The following TSNAXIP1 variants were observed in gnomAD, a reference collection of about 807,000 sequenced individuals.
The protein encoded by TSNAXIP1 is translin associated factor X interacting protein 1.
In TSNAXIP1, 89 loss-of-function variants were observed where a neutral mutation model predicts 84.8. The ratio of observed to expected loss-of-function variants is 1.05; its 90% CI spans 0.88 to 1.25. The LOEUF is 1.25. TSNAXIP1 is among the 50% of genes most tolerant of loss of function. TSNAXIP1 has a pLI of 0.00. For synonymous variants in TSNAXIP1, 347 were observed against 335.2 expected, an observed-to-expected ratio of 1.04 and a Z score of -0.39; for missense variants, 874 against 887.6, an observed-to-expected ratio of 0.98 and a Z score of 0.20.
intron 6 of TSNAXIP1, among the ~76,000 whole-genome samples, 153 bp from the exon 7 acceptor site, chr16:67,824,984 A>G (rs1437558563): frequency 1.3e-5 from 2 of 152,208 alleles, no homozygotes; most frequent in African/African-American, 4.8e-5. Flanking sequence ...CACCTTGCCG[A>G]ATTCTCAGAA....
At chr16:67,826,312 G>C in intron 10 of TSNAXIP1, 30 bp downstream of exon 10, 2 of 1,580,706 alleles carry the variant, frequency 1.3e-6, no homozygotes, top group South Asian at 2.3e-5. Flanking sequence ...TGGGGCTTGG[G>C]CCAGAGTCAG....
chr16:67,825,879 C>T (rs754416607), intron 8 of TSNAXIP1, 38 bp from the exon 9 acceptor site: 13 of 1,613,862 alleles, frequency 8.1e-6, no homozygotes, highest in African/African-American at 4.0e-5. Flanking sequence ...GACGGGGTCT[C>T]ACAGGTGGGG....
Position 67,826,844 on chromosome 16 carries a change from G to A in TSNAXIP1, c.1554G>A (p.Lys518=). The A allele has an allele frequency of 6.2e-7, 1 of 1,613,222 alleles. No individual in the cohort carries two copies. Among genetic ancestry groups the A allele is most frequent in the Non-Finnish European group, 8.5e-7 (1 of 1,179,916 alleles). ...AGTTCTATGCAGTCTTGATGGGAAAGGTGAGCTGGGGCCTATTCCCCTTGG... is the reference window on the plus strand; with the variant it reads ...AGTTCTATGCAGTCTTGATGGGAAAAGTGAGCTGGGGCCTATTCCCCTTGG... ...MSQFYAVLMG[K]RSENVYVTQK... The change falls in exon 12 of 16, where the codon AAG becomes AAA. Residue 518 remains lysine, a splice_region_variant and synonymous_variant. Coordinates refer to ENST00000561639, the MANE Select transcript of TSNAXIP1 (RefSeq NM_001288990.3).
chr16:67,811,806 G>A (rs566489187), intron 1 of TSNAXIP1, among the ~76,000 whole-genome samples: 1 of 152,086 alleles, frequency 6.6e-6, no homozygotes, highest in Non-Finnish European at 1.5e-5. Flanking sequence ...TTGATCTGTT[G>A]TATCTTGTTG....
At chr16:67,811,068 C>T (rs558245429) in intron 1 of TSNAXIP1, among the ~76,000 whole-genome samples, 4 of 152,026 alleles carry the variant, frequency 2.6e-5, no homozygotes, top group Non-Finnish European at 5.9e-5. Flanking sequence ...GCTATCCTCC[C>T]GCCTCTTAGC....
At chr16:67,814,258 T>C in intron 1 of TSNAXIP1, 44 bp from the exon 2 acceptor site, 1 of 1,446,308 alleles carries the variant, frequency 6.9e-7, no homozygotes, top group Non-Finnish European at 9.4e-7. Flanking sequence ...CTCTTCCCAC[T>C]CTGGACTCTG....
intron 5 of TSNAXIP1, 64 bp downstream of exon 5, chr16:67,823,783 C>A: frequency 1.4e-6 from 2 of 1,408,890 alleles, no homozygotes; most frequent in Non-Finnish European, 2.0e-6. Context: ...TTTAGGAGGC[C>A]GAGGCGGTAG....
At position 67,826,769 on chromosome 16, in the gene TSNAXIP1, T is replaced by C. The variant is rs140928585; in HGVS notation, c.1479T>C (p.Tyr493=). ...FGPSDAMAWA[Y]TIFENIKIFH... ...CCAGTGATGCCATGGCCTGGGCTTA[T>C]ACTATTTTTGAAAATATCAAGATCT... The change falls in exon 12 of 16, where the codon TAT becomes TAC. Residue 493 remains tyrosine (Y), a synonymous_variant. Coordinates refer to ENST00000561639, the MANE Select transcript of TSNAXIP1 (RefSeq NM_001288990.3). 16 of 1,614,094 alleles carry C rather than the reference T, an allele frequency of 9.9e-6. No individual in the cohort carries two copies. In the African/African-American group the frequency reaches 1.6e-4, roughly 16 times the overall value.
In TSNAXIP1 at chr16:67,827,530, G is replaced by C; in HGVS notation, c.1849G>C (p.Glu617Gln). Residue 617 changes from glutamate (E) to glutamine (Q), a missense_variant, in exon 15 of 16, where the codon GAG (glutamate) becomes CAG (glutamine). Physicochemically the swap from Glu to Gln is conservative, Grantham distance 29. Coordinates refer to ENST00000561639, the MANE Select transcript of TSNAXIP1 (RefSeq NM_001288990.3). ...VQKLWEQYMD[E>Q]KDEYLQQLKQ... ...AAAACTCTGGGAACAATACATGGAT[G>C]AGAAGGACGAGTACTTACAGCAGCT... 2 of 1,614,208 alleles carry C rather than the reference G, an allele frequency of 1.2e-6. No homozygotes were observed. The highest frequency in any genetic ancestry group is 1.7e-6 in the Non-Finnish European group (2 of 1,180,038).
At position 67,807,327 on chromosome 16, in the gene TSNAXIP1, G is replaced by A. The variant is rs923051992; in HGVS notation, c.47+131G>A. 18 of 1,534,102 alleles carry A rather than the reference G, an allele frequency of 1.2e-5. 1 individual carries two copies. Among genetic ancestry groups the A allele is most frequent in the Middle Eastern group, 3.3e-4 (2 of 5,988 alleles). On this transcript the variant is annotated intron_variant, in intron 1 of 15. Coordinates refer to ENST00000561639, the MANE Select transcript of TSNAXIP1 (RefSeq NM_001288990.3). ...TGATCTAGGGCTCCAGCACCACAGA[G>A]TCAATGGTTAGAATCGGGCTGATTT...
chr16:67,806,967 C>CA lies in TSNAXIP1; in HGVS notation c.-182dup. On this transcript the variant is annotated 5_prime_UTR_variant, in exon 1 of 16. Coordinates refer to ENST00000561639, the MANE Select transcript of TSNAXIP1 (RefSeq NM_001288990.3). ...TCTCAGGGCACCCGCTGCCGGGTCCCAGTCCACCTTTGCTACTTTGTCCTA... is the reference window on the plus strand; with the variant it reads ...TCTCAGGGCACCCGCTGCCGGGTCCCAAGTCCACCTTTGCTACTTTGTCCTA... 4 of 949,542 alleles carry CA rather than the reference C, an allele frequency of 4.2e-6. No homozygotes were observed. The highest frequency in any genetic ancestry group is 6.1e-6 in the Non-Finnish European group (4 of 657,174). 58.8% of individuals were successfully genotyped at this position (949,542 alleles called of 1,614,324 possible).
At position 67,825,214 on chromosome 16, in the gene TSNAXIP1, C is replaced by T. The variant is rs769638327; in HGVS notation, c.756C>T (p.Ile252=). ...LSERDACKIL[I]ADLNELRYQR... ...AGCGAGATGCCTGTAAGATCCTCATCGCAGACCTGAATGAGCTGCGGTACC... is the reference window on the plus strand; with the variant it reads ...AGCGAGATGCCTGTAAGATCCTCATTGCAGACCTGAATGAGCTGCGGTACC... Residue 252 remains isoleucine, a synonymous_variant, in exon 7 of 16, where the codon ATC becomes ATT. Transcript: ENST00000561639. 13 of 1,614,030 alleles carry T rather than the reference C, an allele frequency of 8.1e-6. No individual in the cohort carries two copies. Among genetic ancestry groups the T allele is most frequent in the African/African-American group, 2.7e-5 (2 of 74,920 alleles).
At chr16:67,813,052 CT>C (rs2056236622) in intron 1 of TSNAXIP1, among the ~76,000 whole-genome samples, 2 of 151,990 alleles carry the variant, frequency 1.3e-5, no homozygotes, top group African/African-American at 4.8e-5. Context: ...TCCTGAGTAG[CT>C]GGAATTAGAG....
chr16:67,824,187 A>AT (rs1252366998), intron 5 of TSNAXIP1, among the ~76,000 whole-genome samples: 1 of 151,974 alleles, frequency 6.6e-6, no homozygotes, highest in Non-Finnish European at 1.5e-5. Context: ...CTGTTCCATG[A>AT]TAGGGCACCC....
chr16:67,825,345 C>G (rs2057359285), intron 7 of TSNAXIP1, 73 bp downstream of exon 7: 6 of 1,578,816 alleles, frequency 3.8e-6, no homozygotes, highest in Non-Finnish European at 4.3e-6. Flanking sequence ...CCCCTAAGCC[C>G]CATTCATTCA....
chr16:67,827,642 C>T, intron 15 of TSNAXIP1, 63 bp downstream of exon 15: 1 of 1,611,322 alleles, frequency 6.2e-7, no homozygotes. Flanking sequence ...CTGGGTCTCC[C>T]TGTGCACCAT....
intron 4 of TSNAXIP1, 47 bp downstream of exon 4, chr16:67,821,272 A>G: frequency 6.3e-7 from 1 of 1,590,134 alleles, no homozygotes; most frequent in Non-Finnish European, 8.6e-7. Flanking sequence ...AAGGGTGGGA[A>G]GAAGCTTCAC....
intron 1 of TSNAXIP1, among the ~76,000 whole-genome samples, chr16:67,808,304 C>G (rs548817132): frequency 6.6e-6 from 1 of 151,996 alleles, no homozygotes; most frequent in Non-Finnish European, 1.5e-5. Context: ...AGGCCAGGCA[C>G]GGTGGCTCAC....
rs1234866472 is a variant in TSNAXIP1, at chr16:67,826,168, C to A, written c.1161C>A (p.Gly387=). 1.2e-6 allele frequency: 2 copies of A among 1,612,716 alleles called. No individual in the cohort carries two copies. The highest frequency in any genetic ancestry group is 2.2e-5 in the East Asian group (1 of 44,852). ...WTKCKDVVAG[G]PERWQMLAEG... is the part of the protein sequence containing the mutation. ...CACATGCAGATGTGGTGGCTGGGGG[C>A]CCAGAGCGCTGGCAGATGCTGGCTG... The change falls in exon 10 of 16, where the codon GGC becomes GGA. Residue 387 remains glycine (G), a synonymous_variant. Transcript: ENST00000561639.
Sources: gnomAD v4.1 joint callset for allele counts (sites outside exome capture counted in the v4.1 genomes callset) on GRCh38, gnomAD v4.1.1 for gene constraint, MANE v1.5 for transcripts, NCBI Gene and HGNC (gene_info 2026-07-23, HGNC 2026-07-21) for gene names.